The following TSHZ1 variants were observed in gnomAD, a reference collection of about 807,000 sequenced individuals.
TSHZ1 encodes the protein teashirt zinc finger homeobox 1.
TSHZ1 carries 12 observed loss-of-function variants against 67.1 expected under a neutral mutation model. The ratio of observed to expected loss-of-function variants is 0.18; its 90% CI spans 0.11 to 0.29. The LOEUF is 0.29. Among genes scored for constraint, TSHZ1 ranks in the 10% least tolerant of loss-of-function variants. The probability of loss-of-function intolerance (pLI) is 1.00; values close to 1 mark genes in which losing one functional copy is unlikely to be tolerated. For synonymous variants in TSHZ1, 632 were observed against 622.4 expected, an observed-to-expected ratio of 1.02 and a Z score of -0.23; for missense variants, 1,305 against 1,413.9, an observed-to-expected ratio of 0.92 and a Z score of 1.23.
intron 1 of TSHZ1, among the ~76,000 whole-genome samples, chr18:75,249,562 C>T (rs1416970718): frequency 6.6e-6 from 1 of 151,926 alleles, no homozygotes; most frequent in Admixed American, 6.6e-5. Context: ...CATCTCACCC[C>T]TATAGTAGGT....
At chr18:75,246,486 T>G (rs2023226207) in intron 1 of TSHZ1, among the ~76,000 whole-genome samples, 1 of 141,538 alleles carries the variant, frequency 7.1e-6, no homozygotes, top group Admixed American at 7.3e-5. Flanking sequence ...CTGTATCAGG[T>G]CCATCAAAAC....
intron 1 of TSHZ1, among the ~76,000 whole-genome samples, chr18:75,256,444 T>G (rs1482854400): frequency 6.6e-6 from 1 of 152,200 alleles, no homozygotes; most frequent in East Asian, 1.9e-4. Flanking sequence ...AAGCCTAAAC[T>G]GAGTCTACTT....
intron 1 of TSHZ1, among the ~76,000 whole-genome samples, chr18:75,254,358 T>G (rs542466075): frequency 1.3e-5 from 2 of 152,318 alleles, no homozygotes; most frequent in Middle Eastern, 3.4e-3. Flanking sequence ...TTTTGAAACA[T>G]AGTAAAACCT....
At chr18:75,276,882 C>T (rs1025469756) in intron 1 of TSHZ1, among the ~76,000 whole-genome samples, 2 of 152,232 alleles carry the variant, frequency 1.3e-5, no homozygotes, top group African/African-American at 4.8e-5. Flanking sequence ...TCGTCTTTCA[C>T]AGCCAGCTCT....
At chr18:75,257,389 C>T (rs1036735935) in intron 1 of TSHZ1, among the ~76,000 whole-genome samples, 25 of 152,160 alleles carry the variant, frequency 1.6e-4, no homozygotes, top group African/African-American at 5.8e-4. Context: ...AAAAAACCCA[C>T]ACATAATTCT....
intron 1 of TSHZ1, among the ~76,000 whole-genome samples, chr18:75,273,186 G>A (rs1054612008): frequency 6.6e-6 from 1 of 152,234 alleles, no homozygotes; most frequent in Non-Finnish European, 1.5e-5. Context: ...ACCCACACTT[G>A]TTCATCTATC....
At chr18:75,234,985 C>T (rs2023048773) in intron 1 of TSHZ1, among the ~76,000 whole-genome samples, 1 of 152,110 alleles carries the variant, frequency 6.6e-6, no homozygotes, top group South Asian at 2.1e-4. Context: ...GAGTAATAAT[C>T]ATTAGTTTTT....
At position 75,287,722 on chromosome 18, in the gene TSHZ1, C is replaced by T. The variant is rs756726911; in HGVS notation, c.2315C>T (p.Ala772Val). ...KPVSPSLDPLAMLYKISNSML... is the reference protein window; with the variant it reads ...KPVSPSLDPLVMLYKISNSML... Reference sequence around the variant, plus strand: ...GTGAGTCCCTCGCTGGACCCGCTGGCGATGCTGTACAAGATCAGCAACAGC... The same window carrying T: ...GTGAGTCCCTCGCTGGACCCGCTGGTGATGCTGTACAAGATCAGCAACAGC... The change falls in exon 2 of 2, where the codon GCG becomes GTG. Residue 772 changes from alanine (A) to valine (V), a missense_variant. Coordinates refer to ENST00000580243, the MANE Select transcript of TSHZ1 (RefSeq NM_001308210.2). The surrounding 1 kb of genome is among the most constrained non-coding windows in gnomAD (Gnocchi z 5.0). 1.7e-5 allele frequency: 27 copies of T among 1,614,010 alleles called. No individual in the cohort carries two copies. The highest frequency in any genetic ancestry group is 1.9e-5 in the Non-Finnish European group (23 of 1,180,046).
intron 1 of TSHZ1, among the ~76,000 whole-genome samples, chr18:75,274,787 A>G (rs1426083078): frequency 6.6e-6 from 1 of 152,240 alleles, no homozygotes; most frequent in Non-Finnish European, 1.5e-5. Flanking sequence ...CACTGATAAT[A>G]GTAAAAATAA....
chr18:75,231,989 A>G (rs1279792377), intron 1 of TSHZ1, among the ~76,000 whole-genome samples: 1 of 151,870 alleles, frequency 6.6e-6, no homozygotes, highest in Non-Finnish European at 1.5e-5. Flanking sequence ...GCTCACTGCA[A>G]CCTCTGCCTC....
intron 1 of TSHZ1, among the ~76,000 whole-genome samples, chr18:75,279,078 T>TG (rs1399494268): frequency 6.6e-6 from 1 of 151,928 alleles, no homozygotes; most frequent in African/African-American, 2.4e-5. Context: ...GCCCCTGGCC[T>TG]GGGGTGGTGG....
Position 75,281,934 on chromosome 18 carries a change from A to T in TSHZ1, c.41-3514A>T, listed in dbSNP as rs963564787. 6.6e-6 allele frequency among the ~76,000 whole-genome samples: 1 copy of T among 152,002 alleles called. No homozygotes were observed. Among genetic ancestry groups the T allele is most frequent in the African/African-American group, 2.4e-5 (1 of 41,396 alleles). On this transcript the variant is annotated intron_variant, in intron 1 of 1. Coordinates refer to ENST00000580243, the MANE Select transcript of TSHZ1 (RefSeq NM_001308210.2). This position sits in a 1 kb window ranked among gnomAD's most constrained non-coding sequence, Gnocchi z 5.3. ...CACCTACCCGGTCAGAGGCTGCCTG[A>T]TCACCCTGCTTTGCTTCTTCCCTGG...
At chr18:75,285,403 A>C in intron 1 of TSHZ1, 45 bp from the exon 2 acceptor site, 1 of 1,421,902 alleles carries the variant, frequency 7.0e-7, no homozygotes, top group Non-Finnish European at 9.2e-7. Context: ...TGTCTCTTTG[A>C]AGATGATTTA....
intron 1 of TSHZ1, among the ~76,000 whole-genome samples, chr18:75,240,157 A>G (rs763245830): frequency 1.2e-4 from 18 of 152,216 alleles, no homozygotes; most frequent in African/African-American, 4.8e-5. Context: ...TAAGAAGTCA[A>G]TTATGGTTTT....
Position 75,289,034 on chromosome 18 carries a change from T to G in TSHZ1, c.*393T>G, listed in dbSNP as rs971437099. Reference sequence around the variant, plus strand: ...AACCTGGTAGTGTCAAATTTAACCCTTTGAGGACTGTAATTGCATTTCTGT... The same window carrying G: ...AACCTGGTAGTGTCAAATTTAACCCGTTGAGGACTGTAATTGCATTTCTGT... On this transcript the variant is annotated 3_prime_UTR_variant, in exon 2 of 2. Coordinates refer to ENST00000580243, the MANE Select transcript of TSHZ1 (RefSeq NM_001308210.2). 1 of 172,608 alleles carries G rather than the reference T, an allele frequency of 5.8e-6. No individual in the cohort carries two copies. The allele number at this position is 172,608 out of a possible 1,614,324, so 10.7% of individuals were successfully genotyped here. A position where few individuals can be genotyped will look rare whatever the true frequency, so the allele number is the denominator to read the frequency against.
chr18:75,248,686 AT>A (rs1250660442), intron 1 of TSHZ1, among the ~76,000 whole-genome samples: 4 of 152,214 alleles, frequency 2.6e-5, no homozygotes, highest in Admixed American at 2.6e-4. Flanking sequence ...TTATACGTTT[AT>A]TGGAAGCTAA....
intron 1 of TSHZ1, among the ~76,000 whole-genome samples, chr18:75,270,925 G>A (rs2023549108): frequency 6.6e-6 from 1 of 152,152 alleles, no homozygotes; most frequent in African/African-American, 2.4e-5. Context: ...GGAGGCCGAA[G>A]GGAAAGAGAG....
At chr18:75,279,649 G>A (rs931772023) in intron 1 of TSHZ1, among the ~76,000 whole-genome samples, 8 of 152,214 alleles carry the variant, frequency 5.3e-5, no homozygotes, top group African/African-American at 1.9e-4. Context: ...AGCCTCTCTG[G>A]CAGTGCGGGG....
Position 75,211,810 on chromosome 18 carries a change from GC to G in TSHZ1, c.-63del. 1 of 1,035,980 alleles carries G rather than the reference GC, an allele frequency of 9.7e-7. No homozygotes were observed. Among genetic ancestry groups the G allele is most frequent in the East Asian group, 7.7e-5 (1 of 12,996 alleles). 64.2% of individuals were successfully genotyped at this position (1,035,980 alleles called of 1,614,324 possible). On this transcript the variant is annotated 5_prime_UTR_variant, in exon 1 of 2. It removes the in-frame stop codon of an upstream open reading frame in the 5' UTR. Transcript: ENST00000580243. Reference sequence around the variant, plus strand: ...CCGCGGAGTTGCGCCCGCGCCCGGGGCCCCGCGTCCCCGCGCCCCGCGAACT... The same window carrying G: ...CCGCGGAGTTGCGCCCGCGCCCGGGGCCCGCGTCCCCGCGCCCCGCGAACT...
Sources: gnomAD v4.1 joint callset for allele counts (sites outside exome capture counted in the v4.1 genomes callset) on GRCh38, gnomAD v4.1.1 for gene constraint, Gnocchi (gnomAD v3.1) non-coding constraint, MANE v1.5 for transcripts, NCBI Gene and HGNC (gene_info 2026-07-23, HGNC 2026-07-21) for gene names.